The following CCP110 variants were observed in gnomAD, a reference collection of about 807,000 sequenced individuals.
CCP110 encodes centriolar coiled-coil protein of 110 kDa.
Under a neutral mutation model 105.5 loss-of-function variants are expected in CCP110, and 43 were observed. The ratio of observed to expected loss-of-function variants is 0.41; its 90% CI spans 0.32 to 0.53. The LOEUF is 0.53. Among genes scored for constraint, CCP110 ranks in the 20% least tolerant of loss-of-function variants. CCP110 has a pLI of 0.32. For synonymous variants in CCP110, 353 were observed against 392.1 expected, an observed-to-expected ratio of 0.90 and a Z score of 1.18; for missense variants, 1,016 against 1,189.1, an observed-to-expected ratio of 0.85 and a Z score of 2.14.
At chr16:19,550,395 C>T (rs1368117588) in intron 14 of CCP110, among the ~76,000 whole-genome samples, 5 of 152,118 alleles carry the variant, frequency 3.3e-5, no homozygotes, top group African/African-American at 4.8e-5. Flanking sequence ...TCAGGTGATC[C>T]GCCCACCTCG....
rs563391425 is a variant in CCP110, at chr16:19,530,869, G to A, written c.142-1547G>A. On this transcript the variant is annotated intron_variant, in intron 2 of 14. Coordinates refer to ENST00000381396, the Ensembl canonical transcript of CCP110. ...TGCGTTAGGCCGAGGCAGGAGAATCGCTTGAACCCAGGAGGGATCGGGATC... is the reference window on the plus strand; with the variant it reads ...TGCGTTAGGCCGAGGCAGGAGAATCACTTGAACCCAGGAGGGATCGGGATC... Among the ~76,000 whole-genome samples the A allele has an allele frequency of 9.9e-5, 15 of 151,772 alleles. 1 individual carries two copies. In the South Asian group the frequency reaches 2.7e-3, roughly 27 times the overall value.
At position 19,545,297 on chromosome 16, in the gene CCP110, C is replaced by A. The variant is rs1192804976; in HGVS notation, c.2703+87C>A. The A allele has an allele frequency of 6.5e-6, 4 of 615,070 alleles. No individual in the cohort carries two copies. In the African/African-American group the frequency reaches 7.5e-5, roughly 12 times the overall value. The allele number at this position is 615,070 out of a possible 1,614,324, so 38.1% of individuals were successfully genotyped here. ...GTCAGTTTTGGTTGACTTCAGCACC[C>A]TTCTTCTGATAATTCTTAAGCACAA... On this transcript the variant is annotated intron_variant, in intron 10 of 14. Transcript: ENST00000381396.
exon 4 of CCP110, chr16:19,536,275 T>G (rs1178811987): frequency 6.2e-7 from 1 of 1,613,742 alleles, no homozygotes; most frequent in Admixed American, 1.7e-5. Context: ...TTATTTCTGA[T>G]GGTCCCTTCT....
chr16:19,540,467 G>A (rs1035358361), intron 4 of CCP110, among the ~76,000 whole-genome samples, 190 bp from the exon 5 acceptor site: 6 of 152,178 alleles, frequency 3.9e-5, no homozygotes, highest in Non-Finnish European at 8.8e-5. Context: ...ATGCAATACA[G>A]GTCTTACTTT....
exon 4 of CCP110, chr16:19,537,374 G>T (rs141945021): frequency 1.2e-6 from 2 of 1,613,050 alleles, no homozygotes; most frequent in Non-Finnish European, 1.7e-6. Flanking sequence ...CACACCTATG[G>T]TGTCCTGTGG....
intron 8 of CCP110, 57 bp downstream of exon 8, chr16:19,543,051 G>A (rs1970343225): frequency 1.0e-6 from 1 of 964,274 alleles, no homozygotes; most frequent in South Asian, 1.4e-5. Flanking sequence ...TATCAGTCTT[G>A]TGACAGCTGA....
chr16:19,529,965 G>A (rs544009399), intron 2 of CCP110, among the ~76,000 whole-genome samples: 1 of 152,148 alleles, frequency 6.6e-6, no homozygotes, highest in South Asian at 2.1e-4. Context: ...GCTGAGGTGG[G>A]TGGATTGCAT....
At chr16:19,549,750 T>G (rs756094803) in intron 14 of CCP110, among the ~76,000 whole-genome samples, 1 of 152,364 alleles carries the variant, frequency 6.6e-6, no homozygotes, top group Admixed American at 6.5e-5. Flanking sequence ...TATATTGCAC[T>G]GAAACTTAGC....
At chr16:19,537,512 C>T (rs780390517) in exon 4 of CCP110, 2 of 1,604,980 alleles carry the variant, frequency 1.2e-6, no homozygotes, top group South Asian at 1.1e-5. Flanking sequence ...AGAAAGGCAA[C>T]ATTTGCCAGA....
At chr16:19,536,095 A>C in exon 4 of CCP110, 1 of 1,614,114 alleles carries the variant, frequency 6.2e-7, no homozygotes, top group Non-Finnish European at 8.5e-7. Flanking sequence ...TTGATAAGAT[A>C]GCTGGGATTT....
In CCP110 at chr16:19,542,765, G is replaced by A; in HGVS notation, c.2367+5G>A. The A allele has an allele frequency of 6.2e-7, 1 of 1,611,438 alleles. No individual in the cohort carries two copies. The highest frequency in any genetic ancestry group is 8.5e-7 in the Non-Finnish European group (1 of 1,177,744). On this transcript the variant is annotated splice_donor_5th_base_variant and intron_variant, in intron 7 of 14. Coordinates refer to ENST00000381396, the Ensembl canonical transcript of CCP110. ...GCCAAAACTAGATGGTCTCAAGTGGGTAAACTTAATGATACATGTCCATCT... is the reference window on the plus strand; with the variant it reads ...GCCAAAACTAGATGGTCTCAAGTGGATAAACTTAATGATACATGTCCATCT...
chr16:19,545,327 T>A lies in CCP110; in HGVS notation c.2703+117T>A, dbSNP rs189168758. 1,809 of 557,894 alleles carry A rather than the reference T, an allele frequency of 3.2e-3. 18 individuals are homozygous for A. The highest frequency in any genetic ancestry group is 1.1e-3 in the Non-Finnish European group (348 of 314,334). The allele number at this position is 557,894 out of a possible 1,614,324, so 34.6% of individuals were successfully genotyped here. The stretch of plus-strand genomic sequence containing the variant: ...TCTGATAATTCTTAAGCACAAGTAA[T>A]TCCTGGAATTACTAGCAGCATTTAA... On this transcript the variant is annotated intron_variant, in intron 10 of 14. Transcript: ENST00000381396.
chr16:19,551,274 TGGG>T (rs751320224), exon 15 of CCP110: 89 of 1,583,242 alleles, frequency 5.6e-5, no homozygotes, highest in Admixed American at 3.7e-4. Context: ...TAGGATAAAA[TGGG>T]GGGAAGGATT....
intron 1 of CCP110, chr16:19,526,090 GC>G (rs1382133028): frequency 6.6e-6 from 1 of 152,146 alleles, no homozygotes; most frequent in Non-Finnish European, 1.5e-5. Flanking sequence ...GCTGTGTTGT[GC>G]TGTAATAATA....
At chr16:19,526,905 T>G (rs1172809716) in intron 1 of CCP110, 2 of 152,222 alleles carry the variant, frequency 1.3e-5, no homozygotes, top group African/African-American at 4.8e-5. Flanking sequence ...GTTTCCATAG[T>G]TCATACCCTT....
rs147470192 is a variant in CCP110, at chr16:19,544,861, C to T, written c.2549C>T (p.Ala850Val). 9.6e-4 allele frequency: 1,546 copies of T among 1,603,096 alleles called. 10 individuals carry two copies. The highest frequency in any genetic ancestry group is 8.6e-3 in the African/African-American group (646 of 74,746). ...CCATTAAAGAGAGGCATTGTTTCAGCTCAAGATGCTTCACTTCAGGAAAGA... is the reference window on the plus strand; with the variant it reads ...CCATTAAAGAGAGGCATTGTTTCAGTTCAAGATGCTTCACTTCAGGAAAGA... Residue 850 changes from alanine (A) to valine (V), a missense_variant, in exon 9 of 15, where the codon GCT becomes GTT. Ala to Val is a moderately conservative substitution (Grantham distance 64). Transcript: ENST00000381396.
At chr16:19,531,821 C>T (rs962238264) in intron 2 of CCP110, among the ~76,000 whole-genome samples, 2 of 152,178 alleles carry the variant, frequency 1.3e-5, no homozygotes, top group African/African-American at 2.4e-5. Context: ...CAAAAATTAG[C>T]TGGGCGTGGT....
At chr16:19,551,139 G>A (rs1970625071) in intron 14 of CCP110, 57 bp from the exon 14 acceptor site, 1 of 981,000 alleles carries the variant, frequency 1.0e-6, no homozygotes, top group Non-Finnish European at 1.7e-6. Flanking sequence ...TCATTAAATG[G>A]TATCATTATA....
At chr16:19,530,113 C>T (rs1969811039) in intron 2 of CCP110, among the ~76,000 whole-genome samples, 1 of 152,052 alleles carries the variant, frequency 6.6e-6, no homozygotes, top group African/African-American at 2.4e-5. Flanking sequence ...GGGAGGATCA[C>T]CTGAGCCCGG....
Sources: gnomAD v4.1 joint callset for allele counts (sites outside exome capture counted in the v4.1 genomes callset) on GRCh38, gnomAD v4.1.1 for gene constraint, MANE v1.5 for transcripts, NCBI Gene and HGNC (gene_info 2026-07-23, HGNC 2026-07-21) for gene names.